Variants in PLCD3 observed in about 807,000 individuals in gnomAD.
PLCD3 encodes phospholipase C delta 3.
In PLCD3, 62 loss-of-function variants were observed where a neutral mutation model predicts 82.8. The ratio of observed to expected loss-of-function variants is 0.75; its 90% CI spans 0.61 to 0.93. The LOEUF is 0.93. Ranked by LOEUF, PLCD3 falls within the 40% of genes least tolerant of loss-of-function variation. The pLI is 0.00. For missense variants in PLCD3, 1,023 were observed against 1,103.4 expected, an observed-to-expected ratio of 0.93 and a Z score of 1.03; for synonymous variants, 478 against 471.8, an observed-to-expected ratio of 1.01 and a Z score of -0.17.
At chr17:45,123,389 T>C (rs950299991) in intron 1 of PLCD3, among the ~76,000 whole-genome samples, 1 of 152,164 alleles carries the variant, frequency 6.6e-6, no homozygotes, top group African/African-American at 2.4e-5. Context: ...TATACTTTAA[T>C]AAATCTGAGG....
chr17:45,116,899 C>G (rs748678802), intron 7 of PLCD3, 115 bp from the exon 8 acceptor site: 2 of 1,325,682 alleles, frequency 1.5e-6, no homozygotes, highest in Non-Finnish European at 2.0e-6. Flanking sequence ...TCTGGAGAAC[C>G]CAGGGAAGCA....
At chr17:45,120,255 G>C in intron 4 of PLCD3, 70 bp downstream of exon 4, 1 of 1,599,710 alleles carries the variant, frequency 6.3e-7, no homozygotes, top group Non-Finnish European at 8.5e-7. Flanking sequence ...TGATGATTCA[G>C]ATGGCTGGGG....
intron 1 of PLCD3, among the ~76,000 whole-genome samples, chr17:45,126,833 A>G (rs1219185718): frequency 1.3e-5 from 2 of 149,124 alleles, no homozygotes; most frequent in Non-Finnish European, 3.0e-5. Flanking sequence ...TAATTTTTAA[A>G]TTTTTTTGTA....
rs1452251305 is a variant in PLCD3, at chr17:45,112,591, A to AC, written c.*24dup. The AC allele has an allele frequency of 6.4e-7, 1 of 1,570,702 alleles. No individual in the cohort carries two copies. The highest frequency in any genetic ancestry group is 1.2e-5 in the South Asian group (1 of 85,566). On this transcript the variant is annotated 3_prime_UTR_variant, in exon 15 of 15. Transcript: ENST00000619929. ...GGGGATGTGGACTGGCACTCGCAGA[A>AC]CCCCAAGGCGAGTGAGGTGGGCCCT...
rs114365259 is a variant in PLCD3 at position 45,123,136 on chromosome 17, A to G, written c.164-1764T>C. Among the ~76,000 whole-genome samples the G allele has an allele frequency of 7.0e-3, 1,060 of 152,162 alleles. 9 individuals carry two copies. The highest frequency in any genetic ancestry group is 0.023 in the African/African-American group (972 of 41,530). ...TGACCCCAAGGCCCTGGCTTGCCCA[A>G]TTGCAAATTCTGACCTAAGGAATTG... On this transcript the variant is annotated intron_variant, in intron 1 of 14. Transcript: ENST00000619929.
rs201078894 is a variant in PLCD3, at chr17:45,120,295, C to G, written c.684+30G>C. The G allele has an allele frequency of 2.6e-3, 4,211 of 1,613,492 alleles. 5 individuals are homozygous for G. Among genetic ancestry groups the G allele is most frequent in the Non-Finnish European group, 3.3e-3 (3,842 of 1,179,640 alleles). Reference sequence around the variant, plus strand: ...GCAGAGGTCAGAGTGATGGCAGAGCCAGGGGCTGGGGTTCAGGGCGGAAGC... The same window carrying G: ...GCAGAGGTCAGAGTGATGGCAGAGCGAGGGGCTGGGGTTCAGGGCGGAAGC... On this transcript the variant is annotated intron_variant, in intron 4 of 14. Coordinates refer to ENST00000619929, the MANE Select transcript of PLCD3 (RefSeq NM_133373.5).
chr17:45,113,285 G>T, intron 12 of PLCD3, 28 bp from the exon 13 acceptor site: 1 of 1,580,880 alleles, frequency 6.3e-7, no homozygotes. Flanking sequence ...AGTGGCTGGG[G>T]CCCACGCCCA....
In PLCD3 at chr17:45,116,618, C is replaced by T; in HGVS notation, c.1413+14G>A. On this transcript the variant is annotated intron_variant, in intron 8 of 14. Transcript: ENST00000619929. ...GACCTCCCTCCACCCAGGCTAGGGG[C>T]TGGGGGGCGTCACCTCTGGGGATGG... 2 of 1,562,212 alleles carry T rather than the reference C, an allele frequency of 1.3e-6. No homozygotes were observed. The highest frequency in any genetic ancestry group is 1.7e-6 in the Non-Finnish European group (2 of 1,152,006).
intron 1 of PLCD3, 93 bp from the exon 2 acceptor site, chr17:45,121,465 CCT>C (rs898401705): frequency 1.9e-4 from 260 of 1,371,568 alleles, no homozygotes; most frequent in South Asian, 6.2e-4. Context: ...CATCCTCCAG[CCT>C]CTCCAAACCC....
At position 45,111,392 on chromosome 17, in the gene PLCD3, G is replaced by C. The variant is rs2054241071; in HGVS notation, c.*1224C>G. 1 of 152,684 alleles carries C rather than the reference G, an allele frequency of 6.5e-6. No homozygotes were observed. Among genetic ancestry groups the C allele is most frequent in the Admixed American group, 6.5e-5 (1 of 15,274 alleles). The allele number at this position is 152,684 out of a possible 1,614,324, so 9.5% of individuals were successfully genotyped here. A position where few individuals can be genotyped will look rare whatever the true frequency, so the allele number is the denominator to read the frequency against. ...TGTGTGAGTGTGTGTGTGTGTGTGT[G>C]TGTGTGTGTGTTGTGGGGAGGCGCT... On this transcript the variant is annotated 3_prime_UTR_variant, in exon 15 of 15. Transcript: ENST00000619929.
At position 45,120,890 on chromosome 17, in the gene PLCD3, C is replaced by G. The variant is rs1171730214; in HGVS notation, c.554+12G>C. On this transcript the variant is annotated intron_variant, in intron 3 of 14. Transcript: ENST00000619929. The stretch of plus-strand genomic sequence containing the variant: ...AAGGATGGGGCCCTCCCTCCCAGCC[C>G]CGGCAGGATATTGGTCTAGCCGCTC... The G allele has an allele frequency of 7.1e-7, 1 of 1,417,410 alleles. No individual in the cohort carries two copies. Among genetic ancestry groups the G allele is most frequent in the Non-Finnish European group, 9.2e-7 (1 of 1,090,988 alleles). 87.8% of individuals were successfully genotyped at this position (1,417,410 alleles called of 1,614,324 possible).
At position 45,111,648 on chromosome 17, in the gene PLCD3, G is replaced by T. The variant is rs1472709368; in HGVS notation, c.*968C>A. 1 of 152,188 alleles carries T rather than the reference G, an allele frequency of 6.6e-6. No individual in the cohort carries two copies. Among genetic ancestry groups the T allele is most frequent in the African/African-American group, 2.4e-5 (1 of 41,436 alleles). 9.4% of individuals were successfully genotyped at this position (152,188 alleles called of 1,614,324 possible). A position where few individuals can be genotyped will look rare whatever the true frequency, so the allele number is the denominator to read the frequency against. On this transcript the variant is annotated 3_prime_UTR_variant, in exon 15 of 15. Coordinates refer to ENST00000619929, the MANE Select transcript of PLCD3 (RefSeq NM_133373.5). ...TAGAGGTGCTCAGGGAGTGGCGGTG[G>T]TGAAATCAACGTGCTTCTTTATTTT...
At chr17:45,126,929 C>T (rs923840905) in intron 1 of PLCD3, among the ~76,000 whole-genome samples, 13 of 152,182 alleles carry the variant, frequency 8.5e-5, no homozygotes, top group Admixed American at 6.5e-4. Context: ...CAAAGTGCTC[C>T]GCACTGTGTA....
intron 1 of PLCD3, among the ~76,000 whole-genome samples, chr17:45,126,321 C>T (rs2054380982): frequency 7.0e-6 from 1 of 143,010 alleles, no homozygotes; most frequent in Admixed American, 7.4e-5. Context: ...GCTGGGATTA[C>T]AGGCATGAGC....
intron 3 of PLCD3, 145 bp downstream of exon 3, chr17:45,120,757 C>T: frequency 9.1e-7 from 1 of 1,098,504 alleles, no homozygotes; most frequent in Non-Finnish European, 1.2e-6. Context: ...CCCTCAGTTT[C>T]GAAGACCAAG....
Position 45,115,332 on chromosome 17 carries a change from C to G in PLCD3, c.1560+12G>C. On this transcript the variant is annotated intron_variant, in intron 9 of 14. Coordinates refer to ENST00000619929, the MANE Select transcript of PLCD3 (RefSeq NM_133373.5). ...TCCCCCCCTTCCCCACCCCACCCAT[C>G]CCAGCTCTCACCAGCCGCCTCTGCG... 1 of 1,238,348 alleles carries G rather than the reference C, an allele frequency of 8.1e-7. No homozygotes were observed. Among genetic ancestry groups the G allele is most frequent in the Non-Finnish European group, 1.1e-6 (1 of 885,588 alleles). 76.7% of individuals were successfully genotyped at this position (1,238,348 alleles called of 1,614,324 possible).
At chr17:45,123,916 T>C (rs1349981507) in intron 1 of PLCD3, among the ~76,000 whole-genome samples, 1 of 149,528 alleles carries the variant, frequency 6.7e-6, no homozygotes, top group African/African-American at 2.5e-5. Context: ...GACAAAGAGC[T>C]GGGTGTACAC....
intron 11 of PLCD3, 76 bp downstream of exon 11, chr17:45,114,174 T>C (rs1320087607): frequency 1.8e-6 from 2 of 1,089,638 alleles, no homozygotes; most frequent in African/African-American, 1.6e-5. Context: ...TGGAAGGCTG[T>C]GTGGGCCCCT....
At chr17:45,114,554 C>T in intron 10 of PLCD3, 188 bp from the exon 11 acceptor site, 1 of 531,314 alleles carries the variant, frequency 1.9e-6, no homozygotes, top group Non-Finnish European at 3.3e-6. Flanking sequence ...CCTCCAGCCA[C>T]ACAGCCTGGC....
Sources: allele counts gnomAD v4.1 joint callset (sites outside exome capture counted in the v4.1 genomes callset), GRCh38; gene constraint gnomAD v4.1.1; transcripts MANE v1.5; gene names NCBI Gene and HGNC (gene_info 2026-07-23, HGNC 2026-07-21).